The following DPY19L4 variants were observed in gnomAD, a reference collection of about 807,000 sequenced individuals.
DPY19L4 encodes dpy-19 like 4, also known as probable C-mannosyltransferase DPY19L4.
A neutral mutation model predicts 102.8 loss-of-function variants in DPY19L4; 97 were observed. The observed-to-expected ratio is 0.94, with a 90% confidence interval of 0.80 to 1.12. The LOEUF (loss-of-function observed/expected upper bound fraction) is 1.12. Among genes scored for constraint, DPY19L4 ranks in the 50% most tolerant of loss-of-function variants. The pLI is 0.00. For synonymous variants in DPY19L4, 252 were observed against 283.1 expected (o/e 0.89, Z 1.10); for missense variants, 815 against 850.4 (o/e 0.96, Z 0.52).
chr8:94,764,492 C>T (rs950140105), intron 8 of DPY19L4, among the ~76,000 whole-genome samples: 1 of 147,648 alleles, frequency 6.8e-6, no homozygotes, highest in South Asian at 2.1e-4. Context: ...AGGAGAATGG[C>T]GTGAACCCGG....
chr8:94,766,424 C>T (rs566095208), intron 10 of DPY19L4, among the ~76,000 whole-genome samples, 188 bp from the exon 11 acceptor site: 16 of 152,308 alleles, frequency 1.1e-4, no homozygotes, highest in African/African-American at 3.6e-4. Context: ...GTAGTTTATG[C>T]TTCAGCATAA....
At chr8:94,767,929 A>G (rs943506531) in intron 11 of DPY19L4, among the ~76,000 whole-genome samples, 6 of 152,152 alleles carry the variant, frequency 3.9e-5, no homozygotes. Context: ...TCAAATCATT[A>G]TTTCGCTCTT....
At chr8:94,733,761 C>T (rs371955778) in intron 2 of DPY19L4, among the ~76,000 whole-genome samples, 6 of 151,958 alleles carry the variant, frequency 3.9e-5, no homozygotes, top group East Asian at 1.9e-4. Context: ...AGGCTGGTCT[C>T]GAACTCCTGA....
intron 6 of DPY19L4, among the ~76,000 whole-genome samples, chr8:94,751,192 C>T (rs553645089): frequency 1.9e-3 from 279 of 150,190 alleles, no homozygotes; most frequent in African/African-American, 6.5e-3. Flanking sequence ...GATCTCGGCT[C>T]ACTGCAAGCT....
chr8:94,744,304 A>G (rs994417573), intron 6 of DPY19L4: 5 of 455,216 alleles, frequency 1.1e-5, no homozygotes, highest in Admixed American at 9.4e-5. Context: ...GCTTTTGGCC[A>G]GGGAGGCCTT....
intron 6 of DPY19L4, among the ~76,000 whole-genome samples, chr8:94,750,858 C>G (rs1288819378): frequency 1.3e-5 from 2 of 151,392 alleles, no homozygotes; most frequent in Non-Finnish European, 2.9e-5. Context: ...TCTCGGCTCA[C>G]TGCAACCTCC....
intron 16 of DPY19L4, among the ~76,000 whole-genome samples, chr8:94,782,194 G>A (rs1423808347): frequency 6.6e-6 from 1 of 152,158 alleles, no homozygotes; most frequent in African/African-American, 2.4e-5. Context: ...GGGTGCTGGG[G>A]AGGATTGTTT....
intron 2 of DPY19L4, among the ~76,000 whole-genome samples, chr8:94,727,068 C>T (rs75966154): frequency 1.6e-4 from 24 of 152,264 alleles, no homozygotes; most frequent in African/African-American, 5.3e-4. Context: ...TTATCTACAT[C>T]AGGGCCAGCT....
chr8:94,728,123 G>A (rs1412909858), intron 2 of DPY19L4, among the ~76,000 whole-genome samples: 1 of 152,128 alleles, frequency 6.6e-6, no homozygotes, highest in African/African-American at 2.4e-5. Flanking sequence ...CACCACACTT[G>A]GTTAATTTTT....
chr8:94,729,287 G>A (rs1028544178), intron 2 of DPY19L4, among the ~76,000 whole-genome samples: 2 of 152,058 alleles, frequency 1.3e-5, no homozygotes, highest in African/African-American at 2.4e-5. Context: ...CAGGAGAATC[G>A]CTTGAACCTG....
chr8:94,777,672 G>A lies in DPY19L4; in HGVS notation c.1461G>A (p.Lys487=). 1 of 1,612,148 alleles carries A rather than the reference G, an allele frequency of 6.2e-7. No homozygotes were observed. The highest frequency in any genetic ancestry group is 8.5e-7 in the Non-Finnish European group (1 of 1,179,246). The change falls in exon 14 of 19, where the codon AAG becomes AAA. Residue 487 remains lysine, a synonymous_variant. Transcript: ENST00000414645. ...CTCCATTTGTGTTTTCTAGCTTGAA[G>A]TACATCTGGATTCCTTATGTGTGCA... The part of the protein sequence containing the change: ...GSLAMVIEGL[K]YIWIPYVCML...
chr8:94,756,060 C>T lies in DPY19L4; in HGVS notation c.636C>T (p.Tyr212=). 1.9e-6 allele frequency: 3 copies of T among 1,612,476 alleles called. No individual in the cohort carries two copies. The highest frequency in any genetic ancestry group is 2.2e-5 in the South Asian group (2 of 90,802). ...INRVDTTRIE[Y]SIPLRENWAL... is the part of the protein sequence containing the mutation. The stretch of plus-strand genomic sequence containing the variant: ...GGGTAGATACAACAAGAATTGAATA[C>T]TCCATTCCTTTAAGAGAAAACTGGG... Residue 212 remains tyrosine (Y), a synonymous_variant, in exon 7 of 19, where the codon TAC becomes TAT. Transcript: ENST00000414645.
chr8:94,751,692 G>T (rs995747190), intron 6 of DPY19L4, among the ~76,000 whole-genome samples: 4 of 151,664 alleles, frequency 2.6e-5, no homozygotes, highest in African/African-American at 9.7e-5. Context: ...GTTTCACCAT[G>T]TTGCCCAGGC....
intron 8 of DPY19L4, among the ~76,000 whole-genome samples, chr8:94,763,650 A>T (rs1021401301): frequency 6.6e-6 from 1 of 151,508 alleles, no homozygotes; most frequent in Non-Finnish European, 1.5e-5. Context: ...CCTCCTGAGT[A>T]GCTGGGATTA....
At chr8:94,771,803 C>T (rs77188886) in intron 13 of DPY19L4, among the ~76,000 whole-genome samples, 4,841 of 152,208 alleles carry the variant, frequency 0.032, 257 homozygotes, top group African/African-American at 0.11. Context: ...TTGTTGAGGA[C>T]TTTGGAGTTT....
intron 8 of DPY19L4, among the ~76,000 whole-genome samples, chr8:94,762,575 C>T (rs1212021381): frequency 6.6e-6 from 1 of 152,104 alleles, no homozygotes; most frequent in Non-Finnish European, 1.5e-5. Context: ...TGGTAACTGG[C>T]ACGCATCTGT....
chr8:94,719,971 G>C lies in DPY19L4; in HGVS notation c.-28G>C. 4 of 1,510,000 alleles carry C rather than the reference G, an allele frequency of 2.6e-6. No homozygotes were observed. The highest frequency in any genetic ancestry group is 3.5e-6 in the Non-Finnish European group (4 of 1,129,586). 93.5% of individuals were successfully genotyped at this position (1,510,000 alleles called of 1,614,324 possible). The stretch of plus-strand genomic sequence containing the variant: ...GGAGAGTCTGGGCCGCGCGGGAGCC[G>C]CAGGGCGCCCTAGCCTTCGCAGAAA... On this transcript the variant is annotated 5_prime_UTR_variant, in exon 1 of 19. Coordinates refer to ENST00000414645, the MANE Select transcript of DPY19L4 (RefSeq NM_181787.3).
intron 13 of DPY19L4, among the ~76,000 whole-genome samples, chr8:94,772,931 G>A (rs1812993569): frequency 6.6e-6 from 1 of 152,138 alleles, no homozygotes; most frequent in African/African-American, 2.4e-5. Context: ...AATATATGAG[G>A]CCAGGCATGG....
intron 6 of DPY19L4, among the ~76,000 whole-genome samples, chr8:94,751,084 A>C: frequency 6.8e-6 from 1 of 147,774 alleles, no homozygotes; most frequent in South Asian, 2.2e-4. Context: ...CCCAGTCTCC[A>C]AAATTTCCTT....
Sources: gnomAD v4.1 joint callset for allele counts (sites outside exome capture counted in the v4.1 genomes callset) on GRCh38, gnomAD v4.1.1 for gene constraint, MANE v1.5 for transcripts, NCBI Gene and HGNC (gene_info 2026-07-23, HGNC 2026-07-21) for gene names.